PIK3CB: variants seen among roughly 807,000 people sequenced by gnomAD.
PIK3CB encodes the protein phosphatidylinositol 4,5-bisphosphate 3-kinase catalytic subunit beta isoform.
PIK3CB carries 39 observed loss-of-function variants against 136.8 expected under a neutral mutation model. The ratio of observed to expected loss-of-function variants is 0.29; its 90% CI spans 0.22 to 0.37. PIK3CB has a LOEUF of 0.37. Ranked by LOEUF, PIK3CB falls within the 10% of genes least tolerant of loss-of-function variation. PIK3CB has a pLI of 1.00. For missense variants in PIK3CB, 868 were observed against 1,275.4 expected (o/e 0.68, Z 4.87); for synonymous variants, 428 against 436.6 (o/e 0.98, Z 0.25).
rs1331108652 is a variant in PIK3CB, at chr3:138,694,820, G to A, written c.1858C>T (p.Arg620Ter). The change falls in exon 14 of 24, where the codon CGA becomes TGA. Residue 620 changes from arginine (R) to a stop codon, truncating the protein, a stop_gained. Transcript: ENST00000674063. LOFTEE classifies it high-confidence loss of function. Reference protein sequence around the residue: ...LDFNYPDQYVREYAVGCLRQM... With the variant: ...LDFNYPDQYV ...CGCAGGCAGCCTACAGCATATTCTCGAACGTACTGGTCTGGATAGTTGAAA... is the reference window on the plus strand; with the variant it reads ...CGCAGGCAGCCTACAGCATATTCTCAAACGTACTGGTCTGGATAGTTGAAA... 2.5e-6 allele frequency: 4 copies of A among 1,613,122 alleles called. No homozygotes were observed. Among genetic ancestry groups the A allele is most frequent in the Non-Finnish European group, 3.4e-6 (4 of 1,179,598 alleles).
intron 2 of PIK3CB, among the ~76,000 whole-genome samples, chr3:138,761,487 CTT>C (rs958554062): frequency 6.6e-6 from 1 of 152,184 alleles, no homozygotes; most frequent in African/African-American, 2.4e-5. Context: ...AAAAAACTAT[CTT>C]AGCCAGGCAC....
chr3:138,832,998 C>G (rs1034041837), intron 1 of PIK3CB, among the ~76,000 whole-genome samples: 3 of 151,324 alleles, frequency 2.0e-5, no homozygotes, highest in Admixed American at 6.6e-5. Context: ...GGCGACAGAC[C>G]GAGACCCTGC....
At chr3:138,711,591 A>G (rs935745453) in intron 10 of PIK3CB, among the ~76,000 whole-genome samples, 1 of 151,654 alleles carries the variant, frequency 6.6e-6, no homozygotes, top group East Asian at 1.9e-4. Context: ...AAAAAAAAAA[A>G]AAAAAAAAAA....
intron 1 of PIK3CB, among the ~76,000 whole-genome samples, chr3:138,808,712 G>T (rs2046260474): frequency 6.7e-6 from 1 of 148,924 alleles, no homozygotes; most frequent in African/African-American, 2.5e-5. Flanking sequence ...AGAAAATCTA[G>T]GCCCTCTCTC....
At chr3:138,805,456 G>A (rs909939841) in intron 1 of PIK3CB, among the ~76,000 whole-genome samples, 5 of 151,888 alleles carry the variant, frequency 3.3e-5, no homozygotes, top group African/African-American at 9.7e-5. Context: ...AGATCACGAG[G>A]TCAGGAGATT....
chr3:138,690,236 AAAG>A (rs1038041170), intron 15 of PIK3CB, among the ~76,000 whole-genome samples: 13 of 151,976 alleles, frequency 8.6e-5, no homozygotes, highest in African/African-American at 2.9e-4. Flanking sequence ...AGAAAAGAAA[AAAG>A]AAGAAAAGAA....
chr3:138,734,645 G>T lies in PIK3CB; in HGVS notation c.961C>A (p.Arg321=), dbSNP rs2045062909. ...GAAATAAAACTTACAGAAATAATTC[G>T]TGTTTTCTTTGGTGGTAATGGAAGA... ...LPLPLPPKKT[R]IISHVWENNN... The change falls in exon 7 of 24, where the codon CGA becomes AGA. Residue 321 remains arginine, a synonymous_variant. Coordinates refer to ENST00000674063, the MANE Select transcript of PIK3CB (RefSeq NM_006219.3). 2 of 1,606,614 alleles carry T rather than the reference G, an allele frequency of 1.2e-6. No homozygotes were observed. Among genetic ancestry groups the T allele is most frequent in the Non-Finnish European group, 1.7e-6 (2 of 1,174,998 alleles).
intron 1 of PIK3CB, among the ~76,000 whole-genome samples, chr3:138,820,073 T>C (rs535888425): frequency 5.0e-4 from 76 of 152,348 alleles, no homozygotes; most frequent in African/African-American, 1.6e-3. Flanking sequence ...TTTTCACCTA[T>C]GTGAACTGAA....
At chr3:138,798,029 A>T (rs568465891) in intron 1 of PIK3CB, among the ~76,000 whole-genome samples, 25 of 152,332 alleles carry the variant, frequency 1.6e-4, no homozygotes, top group African/African-American at 5.5e-4. Context: ...TCTTAAGTGA[A>T]AAACACACTG....
chr3:138,706,062 G>A (rs1055678110), intron 11 of PIK3CB, among the ~76,000 whole-genome samples: 1 of 152,160 alleles, frequency 6.6e-6, no homozygotes, highest in Admixed American at 6.5e-5. Context: ...CCTAAATTCT[G>A]AGAATTTGTT....
chr3:138,728,433 C>A (rs181546676), intron 8 of PIK3CB, among the ~76,000 whole-genome samples: 2 of 152,238 alleles, frequency 1.3e-5, no homozygotes, highest in East Asian at 3.9e-4. Context: ...GCTAACACAT[C>A]TTGACCGAGT....
At chr3:138,819,661 C>A (rs1576431746) in intron 1 of PIK3CB, among the ~76,000 whole-genome samples, 1 of 152,152 alleles carries the variant, frequency 6.6e-6, no homozygotes, top group Non-Finnish European at 1.5e-5. Context: ...TGAGGTACAG[C>A]CTCATCATCT....
At chr3:138,697,651 T>G (rs2108526282) in intron 13 of PIK3CB, among the ~76,000 whole-genome samples, 1 of 152,214 alleles carries the variant, frequency 6.6e-6, no homozygotes, top group African/African-American at 2.4e-5. Context: ...CAGGCTGGTC[T>G]TAAATTGCTG....
chr3:138,655,949 A>G (rs192644461), intron 23 of PIK3CB, among the ~76,000 whole-genome samples, 193 bp downstream of exon 23: 6 of 152,180 alleles, frequency 3.9e-5, no homozygotes, highest in Admixed American at 2.0e-4. Flanking sequence ...CTGATGGGAA[A>G]ATCTTCTGGG....
intron 1 of PIK3CB, among the ~76,000 whole-genome samples, chr3:138,822,534 T>C (rs1265926534): frequency 1.3e-5 from 2 of 150,550 alleles, no homozygotes; most frequent in African/African-American, 4.9e-5. Flanking sequence ...AGACCCCGTC[T>C]CAAAAATAAA....
At chr3:138,724,401 T>C (rs2044794199) in intron 8 of PIK3CB, among the ~76,000 whole-genome samples, 1 of 152,176 alleles carries the variant, frequency 6.6e-6, no homozygotes, top group Non-Finnish European at 1.5e-5. Flanking sequence ...AGCATGTGGA[T>C]ATATTCACTA....
chr3:138,739,677 G>T (rs944044474), intron 5 of PIK3CB, among the ~76,000 whole-genome samples: 9 of 150,822 alleles, frequency 6.0e-5, no homozygotes, highest in African/African-American at 1.7e-4. Context: ...GAGGCGGGCG[G>T]ATCACTTAAG....
chr3:138,745,163 T>TA (rs1199570191), intron 4 of PIK3CB, among the ~76,000 whole-genome samples: 2 of 152,194 alleles, frequency 1.3e-5, no homozygotes, highest in Non-Finnish European at 2.9e-5. Flanking sequence ...TTCTCTTTCA[T>TA]AGAGTACCAT....
intron 16 of PIK3CB, chr3:138,685,246 T>G (rs1211984733): frequency 6.5e-6 from 1 of 153,942 alleles, no homozygotes; most frequent in African/African-American, 2.4e-5. Context: ...ATACAAAAAT[T>G]TGCTGGGCAT....
Sources: gnomAD v4.1 joint callset for allele counts (sites outside exome capture counted in the v4.1 genomes callset) on GRCh38, gnomAD v4.1.1 for gene constraint, MANE v1.5 for transcripts, NCBI Gene and HGNC (gene_info 2026-07-23, HGNC 2026-07-21) for gene names.